Variants in TSGA13 observed in about 807,000 individuals in gnomAD.
TSGA13 encodes testis-specific gene 13 protein.
In TSGA13, 37 loss-of-function variants were observed where a neutral mutation model predicts 35.1. The ratio of observed to expected loss-of-function variants is 1.05; its 90% CI spans 0.81 to 1.39. TSGA13 has a LOEUF of 1.39. Among genes scored for constraint, TSGA13 ranks in the 40% most tolerant of loss-of-function variants. The pLI is 0.00. For synonymous variants in TSGA13, 124 were observed against 121.2 expected (o/e 1.02, Z -0.15); for missense variants, 338 against 328.5 (o/e 1.03, Z -0.22).
chr7:130,686,695 CACACA>C (rs1554465784), upstream of TSGA13: 2 of 19,050 alleles, frequency 1.0e-4, no homozygotes, highest in Non-Finnish European at 2.6e-4. Flanking sequence ...GACTTCTCTA[CACACA>C]CACACACACA....
chr7:130,672,952 G>A, intron 5 of TSGA13, 76 bp from the exon 6 acceptor site: 1 of 1,459,664 alleles, frequency 6.9e-7, no homozygotes, highest in Non-Finnish European at 9.1e-7. Flanking sequence ...CCAAGTTCCT[G>A]GACTAAGTTC....
Position 130,685,298 on chromosome 7 carries a change from T to C in TSGA13, c.-88A>G. 1 of 1,591,556 alleles carries C rather than the reference T, an allele frequency of 6.3e-7. No homozygotes were observed. Among genetic ancestry groups the C allele is most frequent in the Non-Finnish European group, 8.6e-7 (1 of 1,161,462 alleles). ...CTAAATAGTCCACGTTCTGCAGGGG[T>C]TCAATTCAATCCAAATATTCTTTCC... is the stretch of plus-strand genomic sequence containing the variant. On this transcript the variant is annotated 5_prime_UTR_variant, in exon 2 of 8. Transcript: ENST00000356588.
At chr7:130,680,813 T>A in intron 4 of TSGA13, 133 bp downstream of exon 4, 1 of 796,756 alleles carries the variant, frequency 1.3e-6, no homozygotes, top group Non-Finnish European at 2.0e-6. Context: ...CAGCTCTGCC[T>A]GCCTGTCCTA....
At chr7:130,680,873 A>T in intron 4 of TSGA13, 73 bp downstream of exon 4, 1 of 1,370,342 alleles carries the variant, frequency 7.3e-7, no homozygotes, top group South Asian at 1.2e-5. Context: ...CATTAGGGAC[A>T]CTCGCAGTGG....
intron 5 of TSGA13, among the ~76,000 whole-genome samples, chr7:130,677,771 A>G (rs1796448160): frequency 1.3e-5 from 2 of 151,830 alleles, no homozygotes; most frequent in Non-Finnish European, 2.9e-5. Context: ...TCATTTTCCC[A>G]TGTCTTCATG....
rs1554465400 is a variant in TSGA13, at chr7:130,683,648, A to G, written c.48T>C (p.Thr16=). 6.2e-7 allele frequency: 1 copy of G among 1,613,824 alleles called. No homozygotes were observed. The highest frequency in any genetic ancestry group is 8.5e-7 in the Non-Finnish European group (1 of 1,179,820). Reference sequence around the variant, plus strand: ...CACGTTTAGCTGAGCTATTTTCTGAAGTCTTTGATTTGCCATTTTGAAACC... The same window carrying G: ...CACGTTTAGCTGAGCTATTTTCTGAGGTCTTTGATTTGCCATTTTGAAACC... ...QTKFQNGKSK[T]SENSSAKREK... is the part of the protein sequence containing the mutation. The change falls in exon 3 of 8, where the codon ACT becomes ACC. Residue 16 remains threonine (T), a synonymous_variant. Transcript: ENST00000356588.
chr7:130,674,174 T>TTTC (rs1489834838), intron 5 of TSGA13, among the ~76,000 whole-genome samples: 17 of 132,546 alleles, frequency 1.3e-4, no homozygotes, highest in Non-Finnish European at 2.0e-4. Context: ...TTTTTCTTTT[T>TTTC]TTTTTTTTTT....
rs1796167180 is a variant in TSGA13, at chr7:130,668,818, GC to G, written c.*195del. 2 of 1,261,674 alleles carry G rather than the reference GC, an allele frequency of 1.6e-6. No individual in the cohort carries two copies. Among genetic ancestry groups the G allele is most frequent in the East Asian group, 5.6e-5 (2 of 35,734 alleles). 78.2% of individuals were successfully genotyped at this position (1,261,674 alleles called of 1,614,324 possible). A position where few individuals can be genotyped will look rare whatever the true frequency, so the allele number is the denominator to read the frequency against. ...TCGGGGCCAAGGCCCGCCCTCCCCGGCCGCCCTCGGCCCCCGGGACGCAGCC... is the reference window on the plus strand; with the variant it reads ...TCGGGGCCAAGGCCCGCCCTCCCCGGCGCCCTCGGCCCCCGGGACGCAGCC... On this transcript the variant is annotated 3_prime_UTR_variant, in exon 8 of 8. Coordinates refer to ENST00000356588, the MANE Select transcript of TSGA13 (RefSeq NM_052933.4).
Position 130,672,389 on chromosome 7 carries a change from A to C in TSGA13, c.530+345T>G, listed in dbSNP as rs546121179. Reference sequence around the variant, plus strand: ...AGGCTGCTCTTGTAAGTAGTTTCACATAAAACCTCTTTTGTCTAATGTGTT... The same window carrying C: ...AGGCTGCTCTTGTAAGTAGTTTCACCTAAAACCTCTTTTGTCTAATGTGTT... On this transcript the variant is annotated intron_variant, in intron 6 of 7. Transcript: ENST00000356588. Among the ~76,000 whole-genome samples the C allele has an allele frequency of 8.5e-5, 13 of 152,276 alleles. No homozygotes were observed. In the East Asian group the frequency reaches 2.3e-3, roughly 27 times the overall value.
intron 6 of TSGA13, 73 bp downstream of exon 6, chr7:130,672,661 T>C: frequency 6.4e-7 from 1 of 1,560,370 alleles, no homozygotes; most frequent in Non-Finnish European, 8.7e-7. Flanking sequence ...TTAAATTGTA[T>C]GGCAAAGAAC....
At chr7:130,682,917 T>C (rs1554465314) in intron 3 of TSGA13, among the ~76,000 whole-genome samples, 1 of 152,206 alleles carries the variant, frequency 6.6e-6, no homozygotes. Flanking sequence ...AGTTCATTTG[T>C]TGAAAACAGA....
chr7:130,674,319 C>T (rs1004211833), intron 5 of TSGA13, among the ~76,000 whole-genome samples: 9 of 151,206 alleles, frequency 6.0e-5, no homozygotes, highest in Non-Finnish European at 1.0e-4. Context: ...ATTACAGGTG[C>T]GTGTCACCAC....
chr7:130,682,132 T>C (rs1554465199), intron 3 of TSGA13, among the ~76,000 whole-genome samples: 1 of 151,566 alleles, frequency 6.6e-6, no homozygotes, highest in East Asian at 2.0e-4. Flanking sequence ...ATTTTTCTTT[T>C]TTTTTGCTAC....
rs1007505377 is a variant in TSGA13 at position 130,672,672 on chromosome 7, C to G, written c.530+62G>C. 6.2e-5 allele frequency: 98 copies of G among 1,575,214 alleles called. No homozygotes were observed. The African/African-American group carries it at 1.3e-3, about 20-fold the overall frequency. ...GTCATTAAATTGTATGGCAAAGAAC[C>G]AGAAACGTGAATAGGGAAAAGATAG... is the stretch of plus-strand genomic sequence containing the variant. On this transcript the variant is annotated intron_variant, in intron 6 of 7. Transcript: ENST00000356588.
chr7:130,680,156 C>T (rs1340781463), intron 4 of TSGA13, among the ~76,000 whole-genome samples: 5 of 152,152 alleles, frequency 3.3e-5, no homozygotes, highest in African/African-American at 7.2e-5. Flanking sequence ...TCCATATTTA[C>T]GTCAACATTT....
At chr7:130,684,523 T>G (rs372442603) in intron 2 of TSGA13, among the ~76,000 whole-genome samples, 6 of 152,344 alleles carry the variant, frequency 3.9e-5, no homozygotes, top group East Asian at 1.9e-4. Context: ...CTATCTCAAC[T>G]AGACCTCTCT....
At chr7:130,670,981 GGTAA>G (rs34491072) in intron 7 of TSGA13, among the ~76,000 whole-genome samples, 63,881 of 151,488 alleles carry the variant, frequency 0.42, 16,343 homozygotes, top group East Asian at 0.59. Flanking sequence ...GTTGGTGCTT[GGTAA>G]GTGTCAGACA....
At chr7:130,675,501 A>C (rs1796391658) in intron 5 of TSGA13, among the ~76,000 whole-genome samples, 1 of 152,122 alleles carries the variant, frequency 6.6e-6, no homozygotes, top group Admixed American at 6.6e-5. Context: ...CTCCTGTGTT[A>C]GCCTCCGGAG....
At chr7:130,679,475 A>G (rs1796491106) in intron 4 of TSGA13, 108 bp from the exon 5 acceptor site, 5 of 977,084 alleles carry the variant, frequency 5.1e-6, no homozygotes, top group Non-Finnish European at 7.4e-6. Context: ...CAGAAGCTGG[A>G]CAGACTTGCT....
Sources: gnomAD v4.1 joint callset for allele counts (sites outside exome capture counted in the v4.1 genomes callset) on GRCh38, gnomAD v4.1.1 for gene constraint, MANE v1.5 for transcripts, NCBI Gene and HGNC (gene_info 2026-07-23, HGNC 2026-07-21) for gene names.